Variants in CARMIL3 observed in about 807,000 individuals in gnomAD.
CARMIL3 encodes the protein capping protein regulator and myosin 1 linker 3, also known as capping protein, Arp2/3 and myosin-I linker protein 3.
Under a neutral mutation model 180.8 loss-of-function variants are expected in CARMIL3, and 88 were observed. That is an observed-to-expected ratio of 0.49 (90% CI 0.41 to 0.58). CARMIL3 has a LOEUF of 0.58. Among genes scored for constraint, CARMIL3 ranks in the 20% least tolerant of loss-of-function variants. The pLI is 0.00. For missense variants in CARMIL3, 1,548 were observed against 1,787.0 expected (o/e 0.87, Z 2.41); for synonymous variants, 696 against 714.5 (o/e 0.97, Z 0.41).
At chr14:24,060,801 C>G (rs2035725391) in intron 25 of CARMIL3, 45 bp downstream of exon 25, 1 of 1,598,778 alleles carries the variant, frequency 6.3e-7, no homozygotes, top group Non-Finnish European at 8.5e-7. Context: ...CTGGAGAACC[C>G]AAGAAGGCCG....
In CARMIL3 at chr14:24,064,417, G is replaced by A. The variant is rs1462189513; in HGVS notation, c.3080+71G>A. 6 of 1,123,480 alleles carry A rather than the reference G, an allele frequency of 5.3e-6. No homozygotes were observed. The East Asian group carries it at 7.7e-5, about 14-fold the overall frequency. 69.6% of individuals were successfully genotyped at this position (1,123,480 alleles called of 1,614,324 possible). A position where few individuals can be genotyped will look rare whatever the true frequency, so the allele number is the denominator to read the frequency against. On this transcript the variant is annotated intron_variant, in intron 32 of 39. Transcript: ENST00000342740. ...CTAGAAGGGCTGCTGTGTCCTCCCA[G>A]CTCCCATGGGAGTCTCCATAACAGC...
Position 24,069,478 on chromosome 14 carries a change from C to T in CARMIL3, c.*74C>T, listed in dbSNP as rs1040412676. 5 of 1,590,402 alleles carry T rather than the reference C, an allele frequency of 3.1e-6. No homozygotes were observed. In the South Asian group the frequency reaches 5.6e-5, roughly 18 times the overall value. ...CTCAGACCCCTATCCACCCCCAGTC[C>T]CCAGGGCCCCCTGCCAGCCCCTGTC... is the stretch of plus-strand genomic sequence containing the variant. On this transcript the variant is annotated 3_prime_UTR_variant, in exon 40 of 40. Transcript: ENST00000342740.
Position 24,059,954 on chromosome 14 carries a change from C to T in CARMIL3, c.1869-16C>T, listed in dbSNP as rs1298921520. The T allele has an allele frequency of 1.1e-5, 18 of 1,613,028 alleles. No homozygotes were observed. Among genetic ancestry groups the T allele is most frequent in the Non-Finnish European group, 1.5e-5 (18 of 1,179,288 alleles). Reference sequence around the variant, plus strand: ...CCTCACCTGTTCCCACCCAGCTGTGCCCCTGTGTCCCACAGCAACCACACG... The same window carrying T: ...CCTCACCTGTTCCCACCCAGCTGTGTCCCTGTGTCCCACAGCAACCACACG... On this transcript the variant is annotated splice_polypyrimidine_tract_variant and intron_variant, in intron 22 of 39. Coordinates refer to ENST00000342740, the MANE Select transcript of CARMIL3 (RefSeq NM_138360.4). This position sits in a 1 kb window ranked among gnomAD's most constrained non-coding sequence, Gnocchi z 6.3.
Position 24,065,149 on chromosome 14 carries a change from GC to G in CARMIL3, c.3278del (p.Pro1093LeufsTer135), listed in dbSNP as rs1594554153. 2.1e-6 allele frequency: 3 copies of G among 1,401,442 alleles called. No individual in the cohort carries two copies. Among genetic ancestry groups the G allele is most frequent in the Non-Finnish European group, 2.8e-6 (3 of 1,071,868 alleles). 86.8% of individuals were successfully genotyped at this position (1,401,442 alleles called of 1,614,324 possible). A position where few individuals can be genotyped will look rare whatever the true frequency, so the allele number is the denominator to read the frequency against. ...CCACCCCCTCCCCCGACTCAGGAGA[GC>G]CCCCCTAGCCCAGACCCCCCAAGCC... The part of the protein sequence containing the change: ...PPPPPPPTQE[S>X]PPSPDPPSLG... On this transcript the variant is annotated frameshift_variant, in exon 33 of 40. Transcript: ENST00000342740. LOFTEE classifies it high-confidence loss of function.
Position 24,054,853 on chromosome 14 carries a change from GCCC to G in CARMIL3, c.460+47_460+49del. The stretch of plus-strand genomic sequence containing the variant: ...AGGAAAGTAGGCGCTCCACCATCTT[GCCC>G]CATGATCAGAGCCCTTTGTGCACAG... On this transcript the variant is annotated intron_variant, in intron 6 of 39. Coordinates refer to ENST00000342740, the MANE Select transcript of CARMIL3 (RefSeq NM_138360.4). This position sits in a 1 kb window ranked among gnomAD's most constrained non-coding sequence, Gnocchi z 5.1. The G allele has an allele frequency of 1.3e-6, 2 of 1,581,308 alleles. No individual in the cohort carries two copies. Among genetic ancestry groups the G allele is most frequent in the Non-Finnish European group, 1.7e-6 (2 of 1,152,836 alleles).
intron 34 of CARMIL3, 121 bp downstream of exon 34, chr14:24,065,871 A>G: frequency 7.1e-7 from 1 of 1,399,978 alleles, no homozygotes; most frequent in Non-Finnish European, 9.7e-7. Flanking sequence ...GCATTAGAAG[A>G]TGTTAGCTGC....
At chr14:24,056,427 A>C (rs2138714782) in intron 11 of CARMIL3, 34 bp downstream of exon 11, 1 of 1,589,340 alleles carries the variant, frequency 6.3e-7, no homozygotes, top group Middle Eastern at 1.7e-4. Flanking sequence ...TCCCCATCCC[A>C]ATGCAGACCC....
intron 13 of CARMIL3, 53 bp from the exon 14 acceptor site, chr14:24,057,114 T>G (rs893464372): frequency 3.1e-4 from 500 of 1,598,038 alleles, no homozygotes; most frequent in Non-Finnish European, 4.0e-4. Flanking sequence ...CCTCTGGGGG[T>G]GGCGAGACTC....
chr14:24,062,065 C>A (rs759481959), intron 27 of CARMIL3: 4 of 310,116 alleles, frequency 1.3e-5, no homozygotes, highest in African/African-American at 4.3e-5. Flanking sequence ...CCACCACTCA[C>A]CAAACCAAAG....
rs2035846040 is a variant in CARMIL3 at position 24,069,712 on chromosome 14, T to TA, written c.*315dup. ...GGACTCTCTCCCCTCTTGTATAGAATAAAAAAACAAAATCATCGCCTGCCT... is the reference window on the plus strand; with the variant it reads ...GGACTCTCTCCCCTCTTGTATAGAATAAAAAAAACAAAATCATCGCCTGCCT... On this transcript the variant is annotated 3_prime_UTR_variant, in exon 40 of 40. Transcript: ENST00000342740. 7.4e-6 allele frequency: 3 copies of TA among 404,914 alleles called. No individual in the cohort carries two copies. Among genetic ancestry groups the TA allele is most frequent in the South Asian group, 5.2e-5 (1 of 19,412 alleles). 25.1% of individuals were successfully genotyped at this position (404,914 alleles called of 1,614,324 possible).
In CARMIL3 at chr14:24,055,474, C is replaced by A. The variant is rs956266130; in HGVS notation, c.606-69C>A. ...GCCTTCCCCAGCCCAACCACCCTAT[C>A]CTTGGTCTCTTCTTTTCTGACCCAA... On this transcript the variant is annotated intron_variant, in intron 8 of 39. Coordinates refer to ENST00000342740, the MANE Select transcript of CARMIL3 (RefSeq NM_138360.4). 2.5e-6 allele frequency: 4 copies of A among 1,573,844 alleles called. No individual in the cohort carries two copies. In the African/African-American group the frequency reaches 5.4e-5, roughly 21 times the overall value.
In CARMIL3 at chr14:24,055,104, A is replaced by G. The variant is rs748745074; in HGVS notation, c.499A>G (p.Asn167Asp). ...GACCTACGCTGCTCTGTGTGACTACAATGGGCTACACTGCCGTGAGGAGGT... is the reference window on the plus strand; with the variant it reads ...GACCTACGCTGCTCTGTGTGACTACGATGGGCTACACTGCCGTGAGGAGGT... ...SETYAALCDYNGLHCREEVQW... is the reference protein window; with the variant it reads ...SETYAALCDYDGLHCREEVQW... The change falls in exon 7 of 40, where the codon AAT (asparagine) becomes GAT (aspartate). Residue 167 changes from asparagine (N) to aspartate (D), a missense_variant. Asn to Asp is a conservative substitution (Grantham distance 23). Coordinates refer to ENST00000342740, the MANE Select transcript of CARMIL3 (RefSeq NM_138360.4). 4 of 1,613,812 alleles carry G rather than the reference A, an allele frequency of 2.5e-6. No homozygotes were observed. The Admixed American group carries it at 6.7e-5, about 27-fold the overall frequency.
rs1453958020 is a variant in CARMIL3 at position 24,066,444 on chromosome 14, G to A, written c.3572G>A (p.Arg1191Gln). The A allele has an allele frequency of 7.4e-6, 12 of 1,614,228 alleles. No individual in the cohort carries two copies. The South Asian group carries it at 1.1e-4, about 15-fold the overall frequency. ...GGCAGCACCCAGGCCTGGCAGAAAC[G>A]GCGCTCTTCAGACGACGCAGGTAAG... is the stretch of plus-strand genomic sequence containing the variant. Reference protein sequence around the residue: ...QEGSTQAWQKRRSSDDAGPGS... With the variant: ...QEGSTQAWQKQRSSDDAGPGS... The change falls in exon 35 of 40, where the codon CGG (arginine) becomes CAG (glutamine). Residue 1191 changes from arginine (R) to glutamine (Q), a missense_variant. Around this residue, in one of 4 missense-constraint regions of CARMIL3, gnomAD observed 668 missense variants for 687.8 expected, o/e 0.97. Transcript: ENST00000342740.
In CARMIL3 at chr14:24,059,793, C is replaced by T. The variant is rs2035713577; in HGVS notation, c.1868+61C>T. On this transcript the variant is annotated intron_variant, in intron 22 of 39. Transcript: ENST00000342740. This position sits in a 1 kb window ranked among gnomAD's most constrained non-coding sequence, Gnocchi z 6.3. ...CCAGCCTCCCTGTGCCTGGATCAGG[C>T]CTGAACTACTCTTGCCCCACCCTAG... The T allele has an allele frequency of 1.3e-6, 2 of 1,579,738 alleles. No individual in the cohort carries two copies. Among genetic ancestry groups the T allele is most frequent in the Non-Finnish European group, 1.7e-6 (2 of 1,150,144 alleles).
rs2035837252 is a variant in CARMIL3 at position 24,069,391 on chromosome 14, C to G, written c.4106C>G (p.Pro1369Arg). The stretch of plus-strand genomic sequence containing the variant: ...TTGTCCCCAGCAGGAACCAGTGAGC[C>G]AGGAACAGACTGACAACTGCCACAA... Reference protein sequence around the residue: ...RPPDPTGTSEPGTD With the variant: ...RPPDPTGTSERGTD The change falls in exon 40 of 40, where the codon CCA (proline) becomes CGA (arginine). Residue 1369 changes from proline to arginine, a missense_variant. By Grantham distance (103) the Pro-to-Arg change is moderately radical. Transcript: ENST00000342740. 6.2e-7 allele frequency: 1 copy of G among 1,613,980 alleles called. No homozygotes were observed. The highest frequency in any genetic ancestry group is 1.7e-5 in the Admixed American group (1 of 59,992).
chr14:24,059,786 G>T lies in CARMIL3; in HGVS notation c.1868+54G>T. On this transcript the variant is annotated intron_variant, in intron 22 of 39. Transcript: ENST00000342740. The surrounding 1 kb of genome is among the most constrained non-coding windows in gnomAD (Gnocchi z 6.3). Reference sequence around the variant, plus strand: ...CAAGTCCCCAGCCTCCCTGTGCCTGGATCAGGCCTGAACTACTCTTGCCCC... The same window carrying T: ...CAAGTCCCCAGCCTCCCTGTGCCTGTATCAGGCCTGAACTACTCTTGCCCC... 2 of 1,588,598 alleles carry T rather than the reference G, an allele frequency of 1.3e-6. No homozygotes were observed. The highest frequency in any genetic ancestry group is 1.7e-6 in the Non-Finnish European group (2 of 1,158,070).
chr14:24,065,346 CA>C, intron 33 of CARMIL3, 73 bp downstream of exon 33: 5 of 1,339,018 alleles, frequency 3.7e-6, no homozygotes, highest in Non-Finnish European at 5.0e-6. Flanking sequence ...TACCCCACCC[CA>C]AGCTTAATGG....
intron 29 of CARMIL3, 82 bp downstream of exon 29, chr14:24,062,928 C>G (rs1240506842): frequency 6.5e-7 from 1 of 1,547,574 alleles, no homozygotes; most frequent in Non-Finnish European, 8.7e-7. Flanking sequence ...TTCCACTGAT[C>G]TGTACTCCCC....
chr14:24,060,577 C>A, intron 24 of CARMIL3, 51 bp from the exon 25 acceptor site: 1 of 1,601,858 alleles, frequency 6.2e-7, no homozygotes. Context: ...GTCCTACCTG[C>A]GAAGATGTGG....
Sources: gnomAD v4.1 joint callset for allele counts on GRCh38, gnomAD v4.1.1 for gene constraint, gnomAD v4.1.1 regional missense constraint, Gnocchi (gnomAD v3.1) non-coding constraint, MANE v1.5 for transcripts, NCBI Gene and HGNC (gene_info 2026-07-23, HGNC 2026-07-21) for gene names.